NFYC: variants seen among roughly 807,000 people sequenced by gnomAD.
NFYC encodes CAAT box DNA-binding protein subunit C.
In NFYC, 25 loss-of-function variants were observed where a neutral mutation model predicts 53.1. That is an observed-to-expected ratio of 0.47 (90% CI 0.34 to 0.66). The LOEUF (loss-of-function observed/expected upper bound fraction) is 0.66, where lower values mean the gene tolerates loss of function less well. Ranked by LOEUF, NFYC falls within the 30% of genes least tolerant of loss-of-function variation. The pLI, the probability that NFYC is intolerant of heterozygous loss-of-function variation, is 0.01. For synonymous variants in NFYC, 145 were observed against 152.6 expected, an observed-to-expected ratio of 0.95 and a Z score of 0.37; for missense variants, 260 against 422.7, an observed-to-expected ratio of 0.62 and a Z score of 3.38.
intron 1 of NFYC, chr1:40,735,595 G>A (rs1359451989): frequency 5.1e-6 from 5 of 985,308 alleles, no homozygotes; most frequent in African/African-American, 1.7e-5. Flanking sequence ...CTTTTAAATC[G>A]TACAGGTCTT....
At chr1:40,735,598 C>T (rs1418642373) in intron 1 of NFYC, 21 of 985,260 alleles carry the variant, frequency 2.1e-5, no homozygotes, top group Non-Finnish European at 2.4e-5. Flanking sequence ...TTAAATCGTA[C>T]AGGTCTTTGT....
chr1:40,715,495 A>G lies in NFYC; in HGVS notation c.-8-23341A>G, dbSNP rs149982050. 5.5e-3 allele frequency among the ~76,000 whole-genome samples: 833 copies of G among 151,690 alleles called. 14 individuals carry two copies. The highest frequency in any genetic ancestry group is 5.0e-3 in the Non-Finnish European group (340 of 67,926). ...TGGCCTCAAAGGATCTTTCTACCTC[A>G]GCCTCCCAAAGCACTGGCATTTACA... On this transcript the variant is annotated intron_variant, in intron 1 of 9. Transcript: ENST00000447388.
chr1:40,720,249 A>G (rs993465628), intron 1 of NFYC, among the ~76,000 whole-genome samples: 7 of 152,196 alleles, frequency 4.6e-5, no homozygotes, highest in African/African-American at 1.7e-4. Flanking sequence ...CAGAATCAAT[A>G]CAGCCAAGCT....
intron 5 of NFYC, chr1:40,754,309 C>T (rs769533568): frequency 1.9e-6 from 1 of 534,092 alleles, no homozygotes; most frequent in Non-Finnish European, 3.8e-6. Context: ...CCTCTGTCAC[C>T]TCCTTACTAG....
intron 1 of NFYC, among the ~76,000 whole-genome samples, chr1:40,697,176 T>C (rs778781784): frequency 1.3e-5 from 2 of 152,202 alleles, no homozygotes; most frequent in Non-Finnish European, 2.9e-5. Context: ...TAATAGCGTG[T>C]GGTAGATGCC....
chr1:40,742,391 A>G (rs1645398634), intron 2 of NFYC, among the ~76,000 whole-genome samples: 1 of 152,208 alleles, frequency 6.6e-6, no homozygotes, highest in African/African-American at 2.4e-5. Flanking sequence ...TTTGATTTGT[A>G]ACCTACTTGG....
chr1:40,768,013 GAAC>G (rs1646906601), intron 8 of NFYC, among the ~76,000 whole-genome samples: 1 of 152,152 alleles, frequency 6.6e-6, no homozygotes, highest in Admixed American at 6.5e-5. Flanking sequence ...TTTGGGAACA[GAAC>G]TAAAGCCAAA....
chr1:40,761,583 C>A (rs574440221), intron 6 of NFYC, among the ~76,000 whole-genome samples: 1 of 152,066 alleles, frequency 6.6e-6, no homozygotes, highest in East Asian at 1.9e-4. Flanking sequence ...TTAGCCTAGC[C>A]CACTGCATGT....
chr1:40,770,807 C>T lies in NFYC; in HGVS notation c.987C>T (p.Ala329=). ...CCAACCAGCCCTCCGACGGGCAGGC[C>T]CCCCAGGTGACCGGCGACTGAGGGC... ...QSANQPSDGQ[A]PQVTGD is the part of the protein sequence containing the mutation. The change falls in exon 10 of 10, where the codon GCC becomes GCT. Residue 329 remains alanine (A), a synonymous_variant. Coordinates refer to ENST00000447388, the MANE Select transcript of NFYC (RefSeq NM_014223.5). This position sits in a 1 kb window ranked among gnomAD's most constrained non-coding sequence, Gnocchi z 5.3. 3 of 1,610,684 alleles carry T rather than the reference C, an allele frequency of 1.9e-6. No homozygotes were observed. The highest frequency in any genetic ancestry group is 2.5e-6 in the Non-Finnish European group (3 of 1,180,010).
chr1:40,719,302 C>T (rs1047154637), intron 1 of NFYC, among the ~76,000 whole-genome samples: 2 of 152,238 alleles, frequency 1.3e-5, no homozygotes, highest in Non-Finnish European at 1.5e-5. Flanking sequence ...ATAACATTAT[C>T]ACCATGTTCA....
chr1:40,725,846 T>G (rs1258728624), intron 1 of NFYC, among the ~76,000 whole-genome samples: 1 of 152,224 alleles, frequency 6.6e-6, no homozygotes, highest in African/African-American at 2.4e-5. Context: ...CACACAAATT[T>G]GTTGGTTTCC....
chr1:40,700,811 T>G (rs489213), intron 1 of NFYC, among the ~76,000 whole-genome samples: 2 of 152,256 alleles, frequency 1.3e-5, no homozygotes, highest in East Asian at 3.9e-4. Context: ...GGTCTTGAAC[T>G]CAGTGTCTTC....
At chr1:40,721,524 G>A (rs1225557720) in intron 1 of NFYC, 3 of 151,816 alleles carry the variant, frequency 2.0e-5, no homozygotes, top group African/African-American at 7.2e-5. Flanking sequence ...GCTTGTGGAA[G>A]TCTTAGGTAT....
At chr1:40,743,545 C>A (rs1645458963) in intron 2 of NFYC, among the ~76,000 whole-genome samples, 1 of 152,196 alleles carries the variant, frequency 6.6e-6, no homozygotes, top group South Asian at 2.1e-4. Flanking sequence ...TCCCATTCAG[C>A]CTTCACTTAA....
chr1:40,747,057 T>C (rs1645643437), intron 2 of NFYC, among the ~76,000 whole-genome samples: 1 of 152,218 alleles, frequency 6.6e-6, no homozygotes, highest in Non-Finnish European at 1.5e-5. Context: ...TGTAAAGAAC[T>C]GTGGATCACT....
intron 2 of NFYC, among the ~76,000 whole-genome samples, chr1:40,742,264 C>T (rs952957037): frequency 1.3e-5 from 2 of 151,358 alleles, no homozygotes; most frequent in Non-Finnish European, 1.5e-5. Context: ...GTATATACCA[C>T]ATTTTGTTTA....
chr1:40,701,262 C>G (rs1215025495), intron 1 of NFYC, among the ~76,000 whole-genome samples: 1 of 152,060 alleles, frequency 6.6e-6, no homozygotes, highest in Admixed American at 6.5e-5. Flanking sequence ...ATTACAGGTG[C>G]CTGCCACCAT....
chr1:40,752,982 G>T (rs1375842950), intron 4 of NFYC, among the ~76,000 whole-genome samples, 169 bp from the exon 5 acceptor site: 1 of 152,028 alleles, frequency 6.6e-6, no homozygotes. Context: ...TGCCCACCAG[G>T]TCTGATCATT....
In NFYC at chr1:40,770,936, C is replaced by T; in HGVS notation, c.*108C>T. On this transcript the variant is annotated 3_prime_UTR_variant, in exon 10 of 10. Transcript: ENST00000447388. The surrounding 1 kb of genome is among the most constrained non-coding windows in gnomAD (Gnocchi z 5.3). Reference sequence around the variant, plus strand: ...GAGGACCCGGCCGACCTCAGCGCCTCCTGCAGGCTAGGACACTGGTGCACT... The same window carrying T: ...GAGGACCCGGCCGACCTCAGCGCCTTCTGCAGGCTAGGACACTGGTGCACT... The T allele has an allele frequency of 8.2e-7, 1 of 1,217,094 alleles. No individual in the cohort carries two copies. Among genetic ancestry groups the T allele is most frequent in the South Asian group, 1.3e-5 (1 of 74,560 alleles). 75.4% of individuals were successfully genotyped at this position (1,217,094 alleles called of 1,614,324 possible). A position where few individuals can be genotyped will look rare whatever the true frequency, so the allele number is the denominator to read the frequency against.
Sources: gnomAD v4.1 joint callset for allele counts (sites outside exome capture counted in the v4.1 genomes callset) on GRCh38, gnomAD v4.1.1 for gene constraint, Gnocchi (gnomAD v3.1) non-coding constraint, MANE v1.5 for transcripts, NCBI Gene and HGNC (gene_info 2026-07-23, HGNC 2026-07-21) for gene names.